The following CCDC178 variants were observed in gnomAD, a reference collection of about 807,000 sequenced individuals.
The protein encoded by CCDC178 is coiled-coil domain containing 178.
A neutral mutation model predicts 117.4 loss-of-function variants in CCDC178; 126 were observed. That is an observed-to-expected ratio of 1.07 (90% CI 0.93 to 1.24). The LOEUF (loss-of-function observed/expected upper bound fraction) is 1.24. CCDC178 is among the 50% of genes most tolerant of loss of function. The probability of loss-of-function intolerance (pLI) is 0.00; values close to 1 mark genes in which losing one functional copy is unlikely to be tolerated. For missense variants in CCDC178, 1,030 were observed against 986.9 expected (o/e 1.04, Z -0.59); for synonymous variants, 283 against 313.4 (o/e 0.90, Z 1.02).
At chr18:32,953,239 T>C (rs1030241539) in intron 22 of CCDC178, among the ~76,000 whole-genome samples, 1 of 152,228 alleles carries the variant, frequency 6.6e-6, no homozygotes, top group East Asian at 1.9e-4. Flanking sequence ...AGAGCGACCT[T>C]TGCACTAGTT....
Position 33,224,795 on chromosome 18 carries a change from G to T in CCDC178, c.1798C>A (p.Leu600Ile). 1 of 1,532,466 alleles carries T rather than the reference G, an allele frequency of 6.5e-7. No homozygotes were observed. The allele number at this position is 1,532,466 out of a possible 1,614,324, so 94.9% of individuals were successfully genotyped here. ...CTTACAACAGAATGTTCTTTGTCGA[G>T]ACTTCTGATTCTTTCAGCTTCATCT... ...LEDEAERIRS[L>I]DKEHSVMLNN... Residue 600 changes from leucine (L) to isoleucine (I), a missense_variant, in exon 17 of 23, where the codon CTC (leucine) becomes ATC (isoleucine). Coordinates refer to ENST00000383096, the MANE Select transcript of CCDC178 (RefSeq NM_001105528.4).
intron 2 of CCDC178, among the ~76,000 whole-genome samples, chr18:33,421,555 GT>G (rs2064024960): frequency 6.6e-6 from 1 of 152,152 alleles, no homozygotes; most frequent in South Asian, 2.1e-4. Context: ...ATCAAGATTT[GT>G]TTTTGTTTTT....
intron 20 of CCDC178, among the ~76,000 whole-genome samples, chr18:33,127,324 T>C (rs1348168751): frequency 6.6e-6 from 1 of 152,166 alleles, no homozygotes; most frequent in Non-Finnish European, 1.5e-5. Context: ...TCTGGTATAA[T>C]GAAAAGAATG....
intron 21 of CCDC178, among the ~76,000 whole-genome samples, chr18:33,039,362 A>G (rs2056503942): frequency 6.6e-6 from 1 of 152,056 alleles, no homozygotes; most frequent in African/African-American, 2.4e-5. Context: ...CAAATCATAC[A>G]TAGCTCATGC....
At chr18:33,439,692 G>A (rs1425519198) in intron 2 of CCDC178, among the ~76,000 whole-genome samples, 2 of 152,196 alleles carry the variant, frequency 1.3e-5, no homozygotes, top group Non-Finnish European at 2.9e-5. Context: ...ACAATATTTT[G>A]AGGGTAGGAG....
At chr18:33,342,180 A>G (rs1162374418) in intron 9 of CCDC178, among the ~76,000 whole-genome samples, 2 of 152,194 alleles carry the variant, frequency 1.3e-5, no homozygotes, top group Non-Finnish European at 2.9e-5. Flanking sequence ...ACCATAGAAT[A>G]TCAGGAATAG....
At chr18:33,156,820 G>C (rs1183094571) in intron 20 of CCDC178, among the ~76,000 whole-genome samples, 1 of 152,132 alleles carries the variant, frequency 6.6e-6, no homozygotes, top group Non-Finnish European at 1.5e-5. Flanking sequence ...ACCAGAGACA[G>C]AAATAAGCTA....
intron 21 of CCDC178, among the ~76,000 whole-genome samples, chr18:33,012,347 C>T (rs2055887663): frequency 6.6e-6 from 1 of 152,098 alleles, no homozygotes. Flanking sequence ...TTATGAATAT[C>T]AATCACCAGG....
At chr18:32,979,250 G>C (rs2055094378) in intron 21 of CCDC178, among the ~76,000 whole-genome samples, 1 of 151,882 alleles carries the variant, frequency 6.6e-6, no homozygotes, top group African/African-American at 2.4e-5. Context: ...TTGCTTCCTG[G>C]GTTCAAACGA....
At chr18:33,396,890 C>T (rs1412515968) in intron 4 of CCDC178, among the ~76,000 whole-genome samples, 2 of 152,010 alleles carry the variant, frequency 1.3e-5, no homozygotes, top group East Asian at 1.9e-4. Context: ...AAAAAACCCA[C>T]ATATTAAGTT....
intron 5 of CCDC178, among the ~76,000 whole-genome samples, chr18:33,371,777 A>G (rs2063303578): frequency 2.2e-5 from 2 of 91,594 alleles, no homozygotes; most frequent in South Asian, 9.6e-4. Flanking sequence ...TAGTTCATAA[A>G]CATATATACA....
chr18:32,949,940 C>T (rs990682569), intron 22 of CCDC178, among the ~76,000 whole-genome samples: 3 of 152,100 alleles, frequency 2.0e-5, no homozygotes, highest in African/African-American at 4.8e-5. Flanking sequence ...AATAGAATTA[C>T]GTTAGCATAC....
intron 12 of CCDC178, among the ~76,000 whole-genome samples, chr18:33,278,381 C>T (rs1441638938): frequency 1.3e-5 from 2 of 150,196 alleles, no homozygotes; most frequent in African/African-American, 2.4e-5. Context: ...CTATTTTTGG[C>T]TACACTGAAA....
chr18:33,376,245 T>C (rs1320304102), intron 5 of CCDC178, among the ~76,000 whole-genome samples: 1 of 151,856 alleles, frequency 6.6e-6, no homozygotes, highest in Non-Finnish European at 1.5e-5. Context: ...CATCACCTGA[T>C]GGTCACCCAA....
chr18:33,369,614 G>T (rs1412063032), intron 6 of CCDC178, among the ~76,000 whole-genome samples: 1 of 151,910 alleles, frequency 6.6e-6, no homozygotes, highest in Non-Finnish European at 1.5e-5. Flanking sequence ...AAAAGACATA[G>T]AATCATTATA....
chr18:33,261,294 A>G (rs1366273592), intron 14 of CCDC178, among the ~76,000 whole-genome samples: 2 of 152,150 alleles, frequency 1.3e-5, no homozygotes, highest in South Asian at 2.1e-4. Context: ...CGTGTTAGCC[A>G]GGATGGTCTC....
chr18:33,202,469 C>G (rs2059002186), intron 20 of CCDC178, among the ~76,000 whole-genome samples: 1 of 143,768 alleles, frequency 7.0e-6, no homozygotes, highest in Admixed American at 7.0e-5. Context: ...AAAATTCAGT[C>G]GTCAAAAGTT....
chr18:33,386,940 A>T (rs973342695), intron 5 of CCDC178, among the ~76,000 whole-genome samples: 1 of 152,164 alleles, frequency 6.6e-6, no homozygotes, highest in Non-Finnish European at 1.5e-5. Flanking sequence ...TTGTTTGAGG[A>T]TGACATGATC....
chr18:33,230,451 C>T (rs1224316522), intron 15 of CCDC178, among the ~76,000 whole-genome samples: 1 of 152,146 alleles, frequency 6.6e-6, no homozygotes, highest in Non-Finnish European at 1.5e-5. Context: ...AAGCTCCCTC[C>T]TCTATCTCCT....
Sources: allele counts gnomAD v4.1 joint callset (sites outside exome capture counted in the v4.1 genomes callset), GRCh38; gene constraint gnomAD v4.1.1; transcripts MANE v1.5; gene names NCBI Gene and HGNC (gene_info 2026-07-23, HGNC 2026-07-21).